The following FRMPD2 variants were observed in gnomAD, a reference collection of about 807,000 sequenced individuals.
FRMPD2 encodes FERM and PDZ domain-containing protein 2.
In FRMPD2, 96 loss-of-function variants were observed where a neutral mutation model predicts 140.1. The observed-to-expected ratio is 0.69, with a 90% CI of 0.58 to 0.81. The LOEUF is 0.81. Ranked by LOEUF, FRMPD2 falls within the 40% of genes least tolerant of loss-of-function variation. The pLI, the probability that FRMPD2 is intolerant of heterozygous loss-of-function variation, is 0.00. For missense variants in FRMPD2, 1,240 were observed against 1,447.4 expected (o/e 0.86, Z 2.32); for synonymous variants, 449 against 547.6 (o/e 0.82, Z 2.52).
At chr10:48,183,708 C>T (rs1333109725) in intron 20 of FRMPD2, among the ~76,000 whole-genome samples, 2 of 151,788 alleles carry the variant, frequency 1.3e-5, no homozygotes, top group African/African-American at 2.4e-5. Context: ...AAAAATTAGC[C>T]GGGTGTGGCA....
chr10:48,225,773 G>A (rs1319470809), intron 10 of FRMPD2, among the ~76,000 whole-genome samples: 1 of 152,192 alleles, frequency 6.6e-6, no homozygotes, highest in Non-Finnish European at 1.5e-5. Flanking sequence ...CAGAACACGT[G>A]CAGTGCCCAC....
intron 20 of FRMPD2, among the ~76,000 whole-genome samples, chr10:48,184,112 A>G (rs1455255468): frequency 2.0e-5 from 3 of 151,908 alleles, no homozygotes; most frequent in African/African-American, 7.2e-5. Context: ...CCTAAACCCA[A>G]AACAAAAGAT....
rs1434579143 is a variant in FRMPD2 at position 48,163,554 on chromosome 10, C to T, written c.3655G>A (p.Glu1219Lys). ...WRDSASPDAG[E>K]GLGLRPESSQ... ...GACTCTGGCCTGAGACCCAGGCCTTCCCCTGCATCTGGGGAGGCACTGTCC... is the reference window on the plus strand; with the variant it reads ...GACTCTGGCCTGAGACCCAGGCCTTTCCCTGCATCTGGGGAGGCACTGTCC... Residue 1219 changes from glutamate to lysine, a missense_variant, in exon 28 of 29, where the codon GAA becomes AAA. Physicochemically the swap from Glu to Lys is moderately conservative, Grantham distance 56. Transcript: ENST00000374201. 2 of 1,192,842 alleles carry T rather than the reference C, an allele frequency of 1.7e-6. No individual in the cohort carries two copies. Among genetic ancestry groups the T allele is most frequent in the Non-Finnish European group, 2.5e-6 (2 of 802,380 alleles). 73.9% of individuals were successfully genotyped at this position (1,192,842 alleles called of 1,614,324 possible).
chr10:48,211,352 CT>C (rs1350021883), intron 13 of FRMPD2, among the ~76,000 whole-genome samples: 5 of 152,370 alleles, frequency 3.3e-5, no homozygotes, highest in Admixed American at 3.3e-4. Context: ...TTGAGGACTG[CT>C]GCCTGCAGGG....
Position 48,184,550 on chromosome 10 carries a change from G to A in FRMPD2, c.2584+16C>T. 6.6e-7 allele frequency: 1 copy of A among 1,513,720 alleles called. No individual in the cohort carries two copies. The highest frequency in any genetic ancestry group is 9.2e-7 in the Non-Finnish European group (1 of 1,089,018). The allele number at this position is 1,513,720 out of a possible 1,614,324, so 93.8% of individuals were successfully genotyped here. On this transcript the variant is annotated intron_variant, in intron 20 of 28. Transcript: ENST00000374201. ...AGGGGAGCCTCTTAAGCTCCCAAGA[G>A]TGGGTTAAAACATACCTTTTGACTG...
intron 14 of FRMPD2, among the ~76,000 whole-genome samples, chr10:48,202,746 C>A (rs1839117539): frequency 6.6e-6 from 1 of 152,190 alleles, no homozygotes; most frequent in East Asian, 1.9e-4. Flanking sequence ...GGCTTTCATG[C>A]AATCCTGACA....
At chr10:48,221,766 G>A (rs1477540403) in intron 12 of FRMPD2, among the ~76,000 whole-genome samples, 1 of 152,142 alleles carries the variant, frequency 6.6e-6, no homozygotes, top group Non-Finnish European at 1.5e-5. Flanking sequence ...TCATCTTTGT[G>A]CCTCCCAGAG....
intron 28 of FRMPD2, among the ~76,000 whole-genome samples, chr10:48,161,283 C>A (rs1286933705): frequency 6.7e-6 from 1 of 150,266 alleles, no homozygotes; most frequent in Non-Finnish European, 1.5e-5. Context: ...AGCAGTCCCT[C>A]CAAGAATGAC....
Position 48,192,666 on chromosome 10 carries a change from C to A in FRMPD2, c.2165+18G>T, listed in dbSNP as rs780097743. The A allele has an allele frequency of 6.2e-7, 1 of 1,609,378 alleles. No individual in the cohort carries two copies. The highest frequency in any genetic ancestry group is 1.1e-5 in the South Asian group (1 of 90,922). ...CACATGGTGGTTTGGGCCCAGAGAACAAATGTGTCACACCCACCTGCGCCC... is the reference window on the plus strand; with the variant it reads ...CACATGGTGGTTTGGGCCCAGAGAAAAAATGTGTCACACCCACCTGCGCCC... On this transcript the variant is annotated intron_variant, in intron 16 of 28. Coordinates refer to ENST00000374201, the MANE Select transcript of FRMPD2 (RefSeq NM_001018071.4).
intron 9 of FRMPD2, among the ~76,000 whole-genome samples, chr10:48,236,090 A>G (rs1839960753): frequency 6.7e-6 from 1 of 148,598 alleles, no homozygotes; most frequent in Non-Finnish European, 1.5e-5. Context: ...TGCACAAATC[A>G]CTACCTGGCA....
At chr10:48,196,006 G>T (rs1225378580) in intron 15 of FRMPD2, among the ~76,000 whole-genome samples, 1 of 152,170 alleles carries the variant, frequency 6.6e-6, no homozygotes. Context: ...AGTCAATCAG[G>T]AAAGCCTTCA....
intron 24 of FRMPD2, among the ~76,000 whole-genome samples, chr10:48,174,630 T>G (rs543295542): frequency 0.011 from 1,690 of 150,854 alleles, 14 homozygotes; most frequent in Middle Eastern, 0.056. Context: ...AGTAAGTTTC[T>G]AAGGCTATCT....
Position 48,271,636 on chromosome 10 carries a change from G to GA in FRMPD2, c.25+2906dup, listed in dbSNP as rs879544526. Among the ~76,000 whole-genome samples the GA allele has an allele frequency of 2.1e-3, 314 of 150,460 alleles. 2 individuals are homozygous for GA. The highest frequency in any genetic ancestry group is 2.6e-3 in the Non-Finnish European group (173 of 67,506). ...ATAAGGAGGCTTACAGCCAAGGCAA[G>GA]AAAAAAAAAGGGAGGGCAGTTAACA... On this transcript the variant is annotated intron_variant, in intron 1 of 28. Transcript: ENST00000374201.
chr10:48,181,807 G>GT (rs1200550777), intron 20 of FRMPD2, among the ~76,000 whole-genome samples: 1 of 140,414 alleles, frequency 7.1e-6, no homozygotes, highest in African/African-American at 2.7e-5. Context: ...TTTTACATAT[G>GT]TTAAGAAAGA....
chr10:48,251,296 A>G (rs1340475647), intron 2 of FRMPD2, among the ~76,000 whole-genome samples: 2 of 152,220 alleles, frequency 1.3e-5, no homozygotes, highest in African/African-American at 4.8e-5. Flanking sequence ...AAATGCTGCA[A>G]CACCAAGGCA....
At chr10:48,248,978 A>G (rs1840314994) in intron 3 of FRMPD2, 43 bp downstream of exon 3, 4 of 1,529,356 alleles carry the variant, frequency 2.6e-6, no homozygotes, top group Non-Finnish European at 3.5e-6. Flanking sequence ...GGCCTTTCCC[A>G]GGGCACAGGA....
At position 48,210,454 on chromosome 10, in the gene FRMPD2, C is replaced by G. The variant is rs1021328358; in HGVS notation, c.1611+1500G>C. ...TCAACCAGGAAGCGAGGGACCCTGACAGTGAGATCAGCACTCAAAGTCAGG... is the reference window on the plus strand; with the variant it reads ...TCAACCAGGAAGCGAGGGACCCTGAGAGTGAGATCAGCACTCAAAGTCAGG... On this transcript the variant is annotated intron_variant, in intron 13 of 28. Transcript: ENST00000374201. Among the ~76,000 whole-genome samples, 49 of 152,350 alleles carry G rather than the reference C, an allele frequency of 3.2e-4. 2 individuals carry two copies. In the Middle Eastern group the frequency reaches 0.017, roughly 53 times the overall value.
intron 5 of FRMPD2, 39 bp from the exon 6 acceptor site, chr10:48,240,531 A>G (rs1248756137): frequency 6.2e-7 from 1 of 1,610,542 alleles, no homozygotes; most frequent in African/African-American, 1.3e-5. Flanking sequence ...ATCCCAAGAT[A>G]AGGAGGGGGC....
At chr10:48,216,290 G>GGATAGATAGATAGATAGATA (rs71788001) in intron 12 of FRMPD2, among the ~76,000 whole-genome samples, 3 of 149,556 alleles carry the variant, frequency 2.0e-5, no homozygotes, top group Admixed American at 6.7e-5. Context: ...CATAGATGAT[G>GGATAGATAGATAGATAGATA]GATAGATAGA....
Sources: allele counts gnomAD v4.1 joint callset (sites outside exome capture counted in the v4.1 genomes callset), GRCh38; gene constraint gnomAD v4.1.1; transcripts MANE v1.5; gene names NCBI Gene and HGNC (gene_info 2026-07-23, HGNC 2026-07-21).